MAPK4: variants seen among roughly 807,000 people sequenced by gnomAD.
MAPK4 encodes Erk3-related.
MAPK4 carries 22 observed loss-of-function variants against 47.7 expected under a neutral mutation model. The observed-to-expected ratio is 0.46, with a 90% CI of 0.33 to 0.66. MAPK4 has a LOEUF of 0.66. MAPK4 is among the 30% of genes least tolerant of loss of function. The probability of loss-of-function intolerance (pLI) is 0.02; values close to 1 mark genes in which losing one functional copy is unlikely to be tolerated. For synonymous variants in MAPK4, 390 were observed against 365.7 expected (o/e 1.07, Z -0.76); for missense variants, 736 against 831.7 (o/e 0.88, Z 1.42).
Position 50,664,150 on chromosome 18 carries a change from A to C in MAPK4, c.192A>C (p.Arg64=), listed in dbSNP as rs1907452935. The C allele has an allele frequency of 1.9e-6, 3 of 1,614,066 alleles. No individual in the cohort carries two copies. Among genetic ancestry groups the C allele is most frequent in the African/African-American group, 2.7e-5 (2 of 74,936 alleles). The change falls in exon 2 of 6, where the codon CGA becomes CGC. Residue 64 remains arginine (R), a synonymous_variant. Transcript: ENST00000400384. This position sits in a 1 kb window ranked among gnomAD's most constrained non-coding sequence, Gnocchi z 6.0. ...CCCGCAGCATGAAGCACGCGCTCCG[A>C]GAGATCAAGATCATTCGGCGCCTGG... ...SDARSMKHAL[R]EIKIIRRLDH...
chr18:50,697,393 A>T (rs891901765), intron 2 of MAPK4, among the ~76,000 whole-genome samples: 3 of 152,212 alleles, frequency 2.0e-5, no homozygotes, highest in Non-Finnish European at 4.4e-5. Context: ...CCTGGAGCAG[A>T]GTAGAAGCTC....
rs747760187 is a variant in MAPK4, at chr18:50,729,896, C to T, written c.*42C>T. 8.4e-5 allele frequency: 126 copies of T among 1,492,106 alleles called. No individual in the cohort carries two copies. Among genetic ancestry groups the T allele is most frequent in the Non-Finnish European group, 1.1e-4 (123 of 1,113,954 alleles). 92.4% of individuals were successfully genotyped at this position (1,492,106 alleles called of 1,614,324 possible). ...CCAGGCCCCACAGAGCAGGAGACCC[C>T]CAGAGAAAGCCGGGGCTGGCAGGAG... On this transcript the variant is annotated 3_prime_UTR_variant, in exon 6 of 6. Transcript: ENST00000400384.
chr18:50,604,555 T>A (rs574488868), intron 1 of MAPK4, among the ~76,000 whole-genome samples: 23 of 152,330 alleles, frequency 1.5e-4, no homozygotes, highest in African/African-American at 5.5e-4. Flanking sequence ...TATAGATACA[T>A]GTGAGAACAG....
At chr18:50,670,478 C>T (rs976090596) in intron 2 of MAPK4, among the ~76,000 whole-genome samples, 5 of 152,122 alleles carry the variant, frequency 3.3e-5, no homozygotes, top group Admixed American at 6.6e-5. Context: ...ACTAGCAGGC[C>T]GGGTGTGGTG....
At chr18:50,725,901 TCTC>T in intron 4 of MAPK4, 58 bp from the exon 5 acceptor site, 1 of 1,337,074 alleles carries the variant, frequency 7.5e-7, no homozygotes, top group Non-Finnish European at 1.1e-6. Context: ...TGCTGAGGAA[TCTC>T]CTTCTGAGCT....
At chr18:50,567,826 TA>T (rs561594105) in intron 1 of MAPK4, among the ~76,000 whole-genome samples, 12,026 of 146,332 alleles carry the variant, frequency 0.082, 525 homozygotes, top group Non-Finnish European at 0.09. Flanking sequence ...AGTGTTTTTT[TA>T]AAAAAAAAAA....
At chr18:50,707,441 G>A (rs532029720) in intron 2 of MAPK4, among the ~76,000 whole-genome samples, 4 of 152,054 alleles carry the variant, frequency 2.6e-5, no homozygotes, top group East Asian at 1.9e-4. Flanking sequence ...ATGGTGGCCC[G>A]CACCTGTAGT....
chr18:50,722,651 G>A (rs747136587), intron 4 of MAPK4, among the ~76,000 whole-genome samples: 40 of 152,164 alleles, frequency 2.6e-4, no homozygotes, highest in Non-Finnish European at 4.1e-4. Flanking sequence ...CAGCCGAAAC[G>A]TCCATCTTGT....
At chr18:50,668,529 G>A (rs1907739604) in intron 2 of MAPK4, among the ~76,000 whole-genome samples, 1 of 152,180 alleles carries the variant, frequency 6.6e-6, no homozygotes, top group East Asian at 1.9e-4. Context: ...CACCACCCCT[G>A]GGGGTCTTGG....
chr18:50,588,551 C>CTTTG (rs3080800), intron 1 of MAPK4, among the ~76,000 whole-genome samples: 149,746 of 150,714 alleles, frequency 0.99, 74,396 homozygotes, highest in Non-Finnish European at 1. Flanking sequence ...TAGACTCCAT[C>CTTTG]TTTGTTTGTT....
chr18:50,595,513 G>C (rs910422814), intron 1 of MAPK4, among the ~76,000 whole-genome samples: 1 of 152,210 alleles, frequency 6.6e-6, no homozygotes, highest in African/African-American at 2.4e-5. Context: ...GTAGAAATCA[G>C]AACCGTCATT....
chr18:50,560,788 G>A (rs1026799863), intron 1 of MAPK4: 2 of 152,548 alleles, frequency 1.3e-5, no homozygotes, highest in Non-Finnish European at 2.9e-5. Context: ...AGGGGGAGTG[G>A]GGGGACCCCG....
chr18:50,676,926 A>G (rs556499414), intron 2 of MAPK4, among the ~76,000 whole-genome samples: 2 of 152,328 alleles, frequency 1.3e-5, no homozygotes, highest in South Asian at 2.1e-4. Flanking sequence ...AGGGTCCCCA[A>G]CCCCTGGGCT....
intron 1 of MAPK4, among the ~76,000 whole-genome samples, chr18:50,662,199 C>A (rs2043179371): frequency 6.6e-6 from 1 of 152,212 alleles, no homozygotes; most frequent in African/African-American, 2.4e-5. Context: ...AGTCTTCTTT[C>A]TTTGTGTGTC....
intron 2 of MAPK4, among the ~76,000 whole-genome samples, chr18:50,671,757 G>A (rs545391501): frequency 3.8e-4 from 58 of 152,060 alleles, no homozygotes; most frequent in Non-Finnish European, 2.6e-4. Context: ...AGGTATAGTG[G>A]TGCACACCTA....
chr18:50,717,595 C>T (rs1022196842), intron 3 of MAPK4, among the ~76,000 whole-genome samples: 4 of 151,916 alleles, frequency 2.6e-5, no homozygotes, highest in Admixed American at 2.0e-4. Flanking sequence ...AAATATAAGA[C>T]AGCAGTGGCC....
chr18:50,646,300 C>G (rs1039828977), intron 1 of MAPK4, among the ~76,000 whole-genome samples: 2 of 152,242 alleles, frequency 1.3e-5, no homozygotes, highest in Non-Finnish European at 2.9e-5. Flanking sequence ...CCTTTGCCTT[C>G]TCCCATCGTT....
chr18:50,632,326 C>T (rs77682116), intron 1 of MAPK4, among the ~76,000 whole-genome samples: 2,845 of 151,922 alleles, frequency 0.019, 78 homozygotes, highest in African/African-American at 0.065. Context: ...GGCCAATTTT[C>T]TTTTTGTTGC....
intron 1 of MAPK4, among the ~76,000 whole-genome samples, chr18:50,618,281 G>A (rs2042702083): frequency 6.6e-6 from 1 of 152,088 alleles, no homozygotes; most frequent in Non-Finnish European, 1.5e-5. Context: ...TGGTATTGTT[G>A]AAAGCGTGCT....
Sources: gnomAD v4.1 joint callset for allele counts (sites outside exome capture counted in the v4.1 genomes callset) on GRCh38, gnomAD v4.1.1 for gene constraint, Gnocchi (gnomAD v3.1) non-coding constraint, MANE v1.5 for transcripts, NCBI Gene and HGNC (gene_info 2026-07-23, HGNC 2026-07-21) for gene names.